The following NIPSNAP3B variants were observed in gnomAD, a reference collection of about 807,000 sequenced individuals.
The protein encoded by NIPSNAP3B is nipsnap homolog 3B.
In NIPSNAP3B, 30 loss-of-function variants were observed where a neutral mutation model predicts 31.5. The ratio of observed to expected loss-of-function variants is 0.95; its 90% CI spans 0.71 to 1.29. The LOEUF (loss-of-function observed/expected upper bound fraction) is 1.29, where lower values mean the gene tolerates loss of function less well. Ranked by LOEUF, NIPSNAP3B falls within the 50% of genes most tolerant of loss-of-function variation. NIPSNAP3B has a pLI of 0.00. For missense variants in NIPSNAP3B, 269 were observed against 300.7 expected, an observed-to-expected ratio of 0.89 and a Z score of 0.78; for synonymous variants, 106 against 107.9, an observed-to-expected ratio of 0.98 and a Z score of 0.11.
At chr9:104,769,933 C>T (rs1329329861) in intron 3 of NIPSNAP3B, among the ~76,000 whole-genome samples, 2 of 152,176 alleles carry the variant, frequency 1.3e-5, no homozygotes, top group East Asian at 3.8e-4. Context: ...ATAATTACCT[C>T]TATCTAATTT....
downstream of NIPSNAP3B, among the ~76,000 whole-genome samples, chr9:104,779,942 G>A (rs1387867547): frequency 2.6e-5 from 4 of 152,126 alleles, no homozygotes; most frequent in South Asian, 2.1e-4. Flanking sequence ...GAGGAGAATC[G>A]CTTGAACCCG....
In NIPSNAP3B at chr9:104,776,148, T is replaced by TA. The variant is rs1828332079; in HGVS notation, c.*3076dup. ...CAAGTCTTTACATGATCTGTCCTGTTACATTTTCCACTCTCGCTCCAGACC... is the reference window on the plus strand; with the variant it reads ...CAAGTCTTTACATGATCTGTCCTGTTAACATTTTCCACTCTCGCTCCAGACC... On this transcript the variant is annotated 3_prime_UTR_variant, in exon 6 of 6. Coordinates refer to ENST00000374762, the MANE Select transcript of NIPSNAP3B (RefSeq NM_018376.4). Among the ~76,000 whole-genome samples, 1 of 152,206 alleles carries TA rather than the reference T, an allele frequency of 6.6e-6. No homozygotes were observed. The highest frequency in any genetic ancestry group is 2.4e-5 in the African/African-American group (1 of 41,444).
the NIPSNAP3B span, chr9:104,784,163 T>C: frequency 8.2e-6 from 8 of 976,542 alleles, no homozygotes; most frequent in African/African-American, 6.5e-5. Flanking sequence ...TTTCATTGCA[T>C]TGAATTGCAT....
rs1487575771 is a variant in NIPSNAP3B at position 104,775,350 on chromosome 9, A to G, written c.*2277A>G. 2.0e-5 allele frequency among the ~76,000 whole-genome samples: 3 copies of G among 151,972 alleles called. No individual in the cohort carries two copies. Among genetic ancestry groups the G allele is most frequent in the East Asian group, 3.9e-4 (2 of 5,154 alleles). On this transcript the variant is annotated 3_prime_UTR_variant, in exon 6 of 6. Transcript: ENST00000374762. ...AATTGCTCTTGTCAACTCATTTCCC[A>G]GTTCTCATTTCACTTGACTTGTTAG...
At chr9:104,790,356 T>A in the NIPSNAP3B span, among the ~76,000 whole-genome samples, 2 of 152,312 alleles carry the variant, frequency 1.3e-5, no homozygotes, top group Non-Finnish European at 2.9e-5. Context: ...TGGAAACTAA[T>A]GTGTCCAACA....
chr9:104,784,165 G>A, the NIPSNAP3B span: 3 of 998,088 alleles, frequency 3.0e-6, no homozygotes, highest in Non-Finnish European at 4.5e-6. Flanking sequence ...TCATTGCATT[G>A]AATTGCATTG....
At chr9:104,771,768 G>A (rs902112330) in intron 4 of NIPSNAP3B, among the ~76,000 whole-genome samples, 3 of 152,140 alleles carry the variant, frequency 2.0e-5, no homozygotes, top group Admixed American at 6.5e-5. Context: ...TGGGTCGAAT[G>A]GCAGTTCTGC....
At chr9:104,788,402 C>G in the NIPSNAP3B span, 4,549 of 1,614,058 alleles carry the variant, frequency 2.8e-3, 101 homozygotes, top group African/African-American at 0.055. Flanking sequence ...AGGAGACAGG[C>G]TGGCTTTCAG....
chr9:104,788,337 G>A, the NIPSNAP3B span: 9 of 1,567,842 alleles, frequency 5.7e-6, no homozygotes, highest in Non-Finnish European at 7.9e-6. Flanking sequence ...AGGAAAAACA[G>A]CCTGAAGTCA....
rs564380510 is a variant in NIPSNAP3B, at chr9:104,772,903, C to T, written c.662C>T (p.Ala221Val). The stretch of plus-strand genomic sequence containing the variant: ...TCCCATGAGGATCCCAGAGTTGTGG[C>T]GGCTGGTAAGCTGTTTCACTAAGCA... ...HKSHEDPRVV[A>V]AVRESVNYLV... The change falls in exon 5 of 6, where the codon GCG becomes GTG. Residue 221 changes from alanine (A) to valine (V), a missense_variant. Ala to Val is a moderately conservative substitution (Grantham distance 64). Transcript: ENST00000374762. 2.2e-5 allele frequency: 36 copies of T among 1,613,338 alleles called. No individual in the cohort carries two copies. The highest frequency in any genetic ancestry group is 5.3e-5 in the African/African-American group (4 of 75,018).
At chr9:104,786,251 T>C in the NIPSNAP3B span, 6 of 1,435,176 alleles carry the variant, frequency 4.2e-6, no homozygotes, top group South Asian at 1.1e-5. Flanking sequence ...AGAATAAATA[T>C]CAAGCCTTCT....
the NIPSNAP3B span, chr9:104,785,531 C>T: frequency 6.3e-7 from 1 of 1,579,036 alleles, no homozygotes; most frequent in South Asian, 1.1e-5. Flanking sequence ...TCCGGTGTTT[C>T]TCTTTTAGAA....
At chr9:104,764,467 G>A (rs1043723836) in intron 1 of NIPSNAP3B, among the ~76,000 whole-genome samples, 167 bp downstream of exon 1, 5 of 152,174 alleles carry the variant, frequency 3.3e-5, no homozygotes, top group African/African-American at 1.2e-4. Context: ...CAAGGAGGAG[G>A]CTACAGGCCG....
chr9:104,773,946 A>G lies in NIPSNAP3B; in HGVS notation c.*873A>G, dbSNP rs998533967. On this transcript the variant is annotated 3_prime_UTR_variant, in exon 6 of 6. Transcript: ENST00000374762. ...TGATAATTTACCAACTTTATTGAAAATGTTGTTACATCAATAAAATAGCAT... is the reference window on the plus strand; with the variant it reads ...TGATAATTTACCAACTTTATTGAAAGTGTTGTTACATCAATAAAATAGCAT... The G allele has an allele frequency of 6.6e-6, 1 of 152,166 alleles. No homozygotes were observed. Among genetic ancestry groups the G allele is most frequent in the East Asian group, 1.9e-4 (1 of 5,198 alleles). 9.4% of individuals were successfully genotyped at this position (152,166 alleles called of 1,614,324 possible).
chr9:104,769,137 A>G lies in NIPSNAP3B; in HGVS notation c.430+116A>G, dbSNP rs1190987096. 7 of 704,454 alleles carry G rather than the reference A, an allele frequency of 9.9e-6. 1 individual carries two copies. In the South Asian group the frequency reaches 2.4e-4, roughly 24 times the overall value. 43.6% of individuals were successfully genotyped at this position (704,454 alleles called of 1,614,324 possible). ...ATATAATTCTTTGTTTTATATAATA[A>G]TATATGATGAGTCTGGAGATAAAAA... On this transcript the variant is annotated intron_variant, in intron 3 of 5. Transcript: ENST00000374762.
At chr9:104,765,218 G>T (rs1451679160) in intron 1 of NIPSNAP3B, among the ~76,000 whole-genome samples, 4 of 152,142 alleles carry the variant, frequency 2.6e-5, no homozygotes, top group Non-Finnish European at 4.4e-5. Context: ...TAATTAAGAC[G>T]TTATGCACAC....
the NIPSNAP3B span, chr9:104,787,864 A>C: frequency 4.3e-6 from 7 of 1,613,862 alleles, no homozygotes; most frequent in Non-Finnish European, 5.1e-6. Flanking sequence ...ACTTTTGAAC[A>C]GTCATGTTTT....
intron 2 of NIPSNAP3B, 141 bp downstream of exon 2, chr9:104,766,676 A>G: frequency 1.3e-6 from 1 of 770,736 alleles, no homozygotes; most frequent in South Asian, 1.8e-5. Flanking sequence ...AAAAAAATAA[A>G]TTTAGCAGAT....
the NIPSNAP3B span, chr9:104,787,952 C>T: frequency 1.2e-6 from 2 of 1,614,194 alleles, no homozygotes; most frequent in South Asian, 2.2e-5. Flanking sequence ...CCGATCAAAG[C>T]CATGGCTGTA....
Sources: gnomAD v4.1 joint callset for allele counts (sites outside exome capture counted in the v4.1 genomes callset) on GRCh38, gnomAD v4.1.1 for gene constraint, MANE v1.5 for transcripts, NCBI Gene and HGNC (gene_info 2026-07-23, HGNC 2026-07-21) for gene names.